The following PAK1 variants were observed in gnomAD, a reference collection of about 807,000 sequenced individuals.
The protein encoded by PAK1 is p21 (RAC1) activated kinase 1, also known as serine/threonine-protein kinase PAK 1.
In PAK1, 29 loss-of-function variants were observed where a neutral mutation model predicts 67.4. That is an observed-to-expected ratio of 0.43 (90% CI 0.32 to 0.59). The LOEUF (loss-of-function observed/expected upper bound fraction) is 0.59, where lower values mean the gene tolerates loss of function less well. Ranked by LOEUF, PAK1 falls within the 20% of genes least tolerant of loss-of-function variation. The pLI is 0.07. For synonymous variants in PAK1, 223 were observed against 237.4 expected (o/e 0.94, Z 0.56); for missense variants, 337 against 670.7 (o/e 0.50, Z 5.50).
chr11:77,403,580 A>G (rs904705297), intron 1 of PAK1, among the ~76,000 whole-genome samples: 1 of 152,086 alleles, frequency 6.6e-6, no homozygotes, highest in Non-Finnish European at 1.5e-5. Flanking sequence ...TCCTCTCTTT[A>G]TCTAATCATG....
At chr11:77,490,472 C>T in the PAK1 span, among the ~76,000 whole-genome samples, 1 of 148,270 alleles carries the variant, frequency 6.7e-6, no homozygotes, top group African/African-American at 2.5e-5. Flanking sequence ...GGTCAGCCCC[C>T]CGCCCGGCCA....
At chr11:77,367,769 G>T (rs947063729) in intron 5 of PAK1, among the ~76,000 whole-genome samples, 3 of 152,146 alleles carry the variant, frequency 2.0e-5, no homozygotes, top group Non-Finnish European at 2.9e-5. Flanking sequence ...ACAACCTCAG[G>T]AGATCGAAAT....
At chr11:77,477,512 CTTGAGCCCAGTAGT>C (rs1338587150), upstream of PAK1, among the ~76,000 whole-genome samples, 7 of 125,614 alleles carry the variant, frequency 5.6e-5, no homozygotes, top group Non-Finnish European at 3.1e-5. Flanking sequence ...GGGCAGATCG[CTTGAGCCCAGTAGT>C]TTGAGACCAG....
chr11:77,395,408 A>G (rs1951704440), intron 1 of PAK1, among the ~76,000 whole-genome samples: 1 of 152,172 alleles, frequency 6.6e-6, no homozygotes, highest in Admixed American at 6.6e-5. Context: ...AATTAATCAA[A>G]CTTTGCATAA....
the PAK1 span, among the ~76,000 whole-genome samples, chr11:77,515,121 A>G: frequency 2.0e-5 from 3 of 152,230 alleles, no homozygotes; most frequent in Admixed American, 2.0e-4. Context: ...TTTCATAGGA[A>G]TAATAGCTCA....
intron 1 of PAK1, among the ~76,000 whole-genome samples, chr11:77,444,286 TAAA>T (rs142183219): frequency 3.4e-5 from 4 of 116,788 alleles, no homozygotes; most frequent in South Asian, 3.1e-4. Context: ...TGGAGAGCTC[TAAA>T]AAAAAAAAAA....
At chr11:77,324,255 C>T (rs1033349134) in intron 14 of PAK1, among the ~76,000 whole-genome samples, 2 of 150,670 alleles carry the variant, frequency 1.3e-5, no homozygotes, top group Non-Finnish European at 2.9e-5. Context: ...TCACTGCAAC[C>T]TCCGCCTCCT....
chr11:77,514,272 T>C, the PAK1 span, among the ~76,000 whole-genome samples: 1 of 152,056 alleles, frequency 6.6e-6, no homozygotes, highest in Non-Finnish European at 1.5e-5. Flanking sequence ...GGCGGGTGGA[T>C]CACTTGAGGT....
At chr11:77,456,272 A>G (rs941429742) in intron 1 of PAK1, among the ~76,000 whole-genome samples, 1 of 152,204 alleles carries the variant, frequency 6.6e-6, no homozygotes, top group Non-Finnish European at 1.5e-5. Flanking sequence ...AGAAGGAAAC[A>G]AGGATACCCA....
intron 14 of PAK1, among the ~76,000 whole-genome samples, chr11:77,326,215 T>C (rs551110896): frequency 1.3e-5 from 2 of 152,312 alleles, no homozygotes; most frequent in Non-Finnish European, 2.9e-5. Context: ...TTTGCAACCA[T>C]ATAAAATTAT....
the PAK1 span, among the ~76,000 whole-genome samples, chr11:77,490,467 GC>G: frequency 2.4e-5 from 3 of 123,310 alleles, no homozygotes; most frequent in Admixed American, 7.8e-5. Flanking sequence ...GGGGGGGTCA[GC>G]CCCCCGCCCG....
intron 14 of PAK1, among the ~76,000 whole-genome samples, chr11:77,327,030 A>G (rs1940111639): frequency 6.6e-6 from 1 of 152,216 alleles, no homozygotes; most frequent in Admixed American, 6.5e-5. Flanking sequence ...AAGAAAGGGT[A>G]TCAGTGATGG....
At chr11:77,498,314 T>G in the PAK1 span, among the ~76,000 whole-genome samples, 2 of 152,234 alleles carry the variant, frequency 1.3e-5, no homozygotes, top group Non-Finnish European at 2.9e-5. Context: ...AGGAAAAGTT[T>G]ATTTAAAAAC....
At chr11:77,333,092 C>T (rs1314692013) in intron 13 of PAK1, among the ~76,000 whole-genome samples, 1 of 151,958 alleles carries the variant, frequency 6.6e-6, no homozygotes, top group African/African-American at 2.4e-5. Flanking sequence ...GATGATAATG[C>T]CCATCTCACA....
intron 1 of PAK1, among the ~76,000 whole-genome samples, chr11:77,405,072 A>G (rs957620666): frequency 2.0e-5 from 3 of 152,270 alleles, no homozygotes; most frequent in African/African-American, 7.2e-5. Context: ...CCTCATTTAA[A>G]TGAGACAGCA....
chr11:77,388,133 G>A (rs918087620), intron 2 of PAK1, among the ~76,000 whole-genome samples: 11 of 152,148 alleles, frequency 7.2e-5, no homozygotes, highest in African/African-American at 2.7e-4. Context: ...CTACCTCTAT[G>A]TTTTCAGCCT....
At chr11:77,349,093 C>T in intron 9 of PAK1, 146 bp downstream of exon 9, 1 of 611,812 alleles carries the variant, frequency 1.6e-6, no homozygotes, top group Admixed American at 2.9e-5. Context: ...CCACTGCACT[C>T]CAGCCTGGAT....
intron 11 of PAK1, among the ~76,000 whole-genome samples, chr11:77,339,445 G>T (rs528007582): frequency 9.6e-4 from 146 of 151,984 alleles, no homozygotes; most frequent in African/African-American, 3.1e-3. Context: ...CCTTAAGAAG[G>T]AGATAATGAA....
At chr11:77,327,962 A>G (rs1940458571) in intron 14 of PAK1, among the ~76,000 whole-genome samples, 2 of 152,226 alleles carry the variant, frequency 1.3e-5, no homozygotes, top group African/African-American at 4.8e-5. Context: ...AATGGAAACC[A>G]AAAGAAGGCA....
Sources: gnomAD v4.1 joint callset for allele counts (sites outside exome capture counted in the v4.1 genomes callset) on GRCh38, gnomAD v4.1.1 for gene constraint, MANE v1.5 for transcripts, NCBI Gene and HGNC (gene_info 2026-07-23, HGNC 2026-07-21) for gene names.